The following SLC38A12 variants were observed in gnomAD, a reference collection of about 807,000 sequenced individuals.
SLC38A12 encodes solute carrier family 38 member 12, also known as putative sodium-coupled neutral amino acid transporter 12.
chr17:74,837,886 G>T, the SLC38A12 span: 101 of 985,970 alleles, frequency 1.0e-4, no homozygotes, highest in South Asian at 4.3e-3. Context: ...CCAGCCCTGG[G>T]CCTGGCCCCA....
the SLC38A12 span, among the ~76,000 whole-genome samples, chr17:74,817,810 C>G: frequency 6.6e-6 from 1 of 152,082 alleles, no homozygotes; most frequent in South Asian, 2.1e-4. Context: ...AAAAACCAGT[C>G]TTTAGGTCTC....
At chr17:74,820,128 G>A in the SLC38A12 span, among the ~76,000 whole-genome samples, 1 of 152,234 alleles carries the variant, frequency 6.6e-6, no homozygotes, top group Admixed American at 6.5e-5. Flanking sequence ...GTTCATTCTA[G>A]GACCAGCTTC....
chr17:74,822,127 G>C, the SLC38A12 span, among the ~76,000 whole-genome samples: 499 of 152,346 alleles, frequency 3.3e-3, 3 homozygotes, highest in Middle Eastern at 0.02. Context: ...AGAGGAGGCT[G>C]AGGGCAAATA....
the SLC38A12 span, among the ~76,000 whole-genome samples, chr17:74,777,994 G>A: frequency 1.3e-5 from 2 of 152,338 alleles, no homozygotes; most frequent in Middle Eastern, 3.4e-3. Context: ...GTGATTGACA[G>A]CTGTTGACTC....
At chr17:74,812,796 C>T in the SLC38A12 span, among the ~76,000 whole-genome samples, 1 of 152,164 alleles carries the variant, frequency 6.6e-6, no homozygotes, top group Non-Finnish European at 1.5e-5. Flanking sequence ...GCCTCTGTCA[C>T]CCCTGCTACC....
At chr17:74,836,654 G>C in the SLC38A12 span, 1 of 1,610,480 alleles carries the variant, frequency 6.2e-7, no homozygotes, top group Non-Finnish European at 8.5e-7. This position sits in a 1 kb window ranked among gnomAD's most constrained non-coding sequence, Gnocchi z 4.2. Context: ...TTTTCGTCAC[G>C]GCCAATATCA....
the SLC38A12 span, chr17:74,790,381 C>T: frequency 4.0e-6 from 5 of 1,237,168 alleles, no homozygotes; most frequent in Non-Finnish European, 5.9e-6. Context: ...TGGAGAGGCT[C>T]CCCGCAGATT....
the SLC38A12 span, among the ~76,000 whole-genome samples, chr17:74,804,290 G>A: frequency 8.5e-5 from 13 of 152,364 alleles, no homozygotes; most frequent in East Asian, 3.9e-4. Context: ...GTGATCCTTC[G>A]TGTGGCCAGT....
the SLC38A12 span, among the ~76,000 whole-genome samples, chr17:74,804,099 C>G: frequency 6.6e-6 from 1 of 152,234 alleles, no homozygotes. Context: ...TCCTGTAGAT[C>G]AGTCTGTGGC....
the SLC38A12 span, chr17:74,819,961 T>C: frequency 5.6e-6 from 5 of 894,276 alleles, no homozygotes; most frequent in Non-Finnish European, 8.9e-6. Context: ...TGGTTTCCAT[T>C]GACTCAGGCC....
the SLC38A12 span, among the ~76,000 whole-genome samples, chr17:74,811,700 A>C: frequency 6.6e-6 from 1 of 151,944 alleles, no homozygotes; most frequent in East Asian, 1.9e-4. Context: ...TAGCCTGGGC[A>C]GCAGAGTGAG....
the SLC38A12 span, among the ~76,000 whole-genome samples, chr17:74,797,104 G>A: frequency 1.3e-5 from 2 of 152,192 alleles, no homozygotes; most frequent in African/African-American, 2.4e-5. Flanking sequence ...ACCCTGCCAG[G>A]CACACTCCCC....
At chr17:74,830,863 G>C in the SLC38A12 span, among the ~76,000 whole-genome samples, 1 of 152,216 alleles carries the variant, frequency 6.6e-6, no homozygotes, top group African/African-American at 2.4e-5. Context: ...TGGCCCAGGT[G>C]AATCAGTGTG....
chr17:74,783,713 T>A, the SLC38A12 span, among the ~76,000 whole-genome samples: 1 of 144,772 alleles, frequency 6.9e-6, no homozygotes, highest in Non-Finnish European at 1.5e-5. Flanking sequence ...TATTTCTTCA[T>A]GCTTTTTCTT....
chr17:74,808,324 A>G, the SLC38A12 span, among the ~76,000 whole-genome samples: 3 of 152,368 alleles, frequency 2.0e-5, no homozygotes, highest in African/African-American at 4.8e-5. Context: ...CTAAAGAGGG[A>G]CTGGGCTTTG....
At chr17:74,806,073 C>A in the SLC38A12 span, among the ~76,000 whole-genome samples, 1 of 152,310 alleles carries the variant, frequency 6.6e-6, no homozygotes, top group Middle Eastern at 3.4e-3. Flanking sequence ...CAATTCCTGG[C>A]AGAATCAGGT....
chr17:74,790,428 T>C, the SLC38A12 span: 1 of 791,462 alleles, frequency 1.3e-6, no homozygotes, highest in Non-Finnish European at 2.1e-6. Flanking sequence ...AGGCAGGCCC[T>C]GTGGTAGACT....
the SLC38A12 span, among the ~76,000 whole-genome samples, chr17:74,792,720 T>C: frequency 1.3e-5 from 2 of 152,214 alleles, no homozygotes; most frequent in Non-Finnish European, 2.9e-5. Flanking sequence ...GTTAAGCATT[T>C]AGGCAGGGCG....
At chr17:74,792,760 G>A in the SLC38A12 span, among the ~76,000 whole-genome samples, 1 of 152,204 alleles carries the variant, frequency 6.6e-6, no homozygotes, top group Non-Finnish European at 1.5e-5. Context: ...GCCGCCCTAG[G>A]GCCTGGTTCA....
Sources: allele counts gnomAD v4.1 joint callset (sites outside exome capture counted in the v4.1 genomes callset), GRCh38; gene constraint gnomAD v4.1.1; non-coding constraint Gnocchi (gnomAD v3.1); transcripts MANE v1.5; gene names NCBI Gene and HGNC (gene_info 2026-07-23, HGNC 2026-07-21).